NKX2-6: variants seen among roughly 807,000 people sequenced by gnomAD.
The protein encoded by NKX2-6 is homeobox protein Nkx-2.6.
A neutral mutation model predicts 8.6 loss-of-function variants in NKX2-6; 8 were observed. That is an observed-to-expected ratio of 0.93 (90% CI 0.54 to 1.67). NKX2-6 has a LOEUF of 1.67. Among genes scored for constraint, NKX2-6 ranks in the 40% most tolerant of loss-of-function variants. The pLI is 0.00. For missense variants in NKX2-6, 475 were observed against 423.1 expected, an observed-to-expected ratio of 1.12 and a Z score of -1.08; for synonymous variants, 210 against 199.3, an observed-to-expected ratio of 1.05 and a Z score of -0.45.
chr8:23,704,385 G>A (rs1294683957), intron 1 of NKX2-6, among the ~76,000 whole-genome samples: 1 of 152,160 alleles, frequency 6.6e-6, no homozygotes, highest in Non-Finnish European at 1.5e-5. Context: ...TGCCCACCAA[G>A]ATGCAGCGTT....
chr8:23,703,043 G>C lies in NKX2-6; in HGVS notation c.314C>G (p.Thr105Ser), dbSNP rs887208406. 3.4e-5 allele frequency: 53 copies of C among 1,540,686 alleles called. No homozygotes were observed. Among genetic ancestry groups the C allele is most frequent in the Non-Finnish European group, 4.5e-5 (52 of 1,146,210 alleles). ...LNAASPLGGG[T>S]RVPERGVGNS... The stretch of plus-strand genomic sequence containing the variant: ...GCCAACGCCGCGCTCTGGCACCCTG[G>C]TCCCGCCGCCGAGGGGCGAGGCCGC... The change falls in exon 2 of 2, where the codon ACC becomes AGC. Residue 105 changes from threonine to serine, a missense_variant. Physicochemically the swap from Thr to Ser is moderately conservative, Grantham distance 58. Transcript: ENST00000325017.
At chr8:23,703,971 G>A (rs1257702897) in intron 1 of NKX2-6, among the ~76,000 whole-genome samples, 1 of 152,312 alleles carries the variant, frequency 6.6e-6, no homozygotes, top group South Asian at 2.1e-4. Flanking sequence ...GGAGGCTCCT[G>A]TCTGCCTCAT....
intron 1 of NKX2-6, 118 bp downstream of exon 1, chr8:23,706,207 A>C (rs1258068433): frequency 1.8e-6 from 2 of 1,110,434 alleles, no homozygotes; most frequent in African/African-American, 1.6e-5. Context: ...TCCTCGAGAG[A>C]AAATGGAGAG....
chr8:23,704,599 T>C (rs2117597731), intron 1 of NKX2-6, among the ~76,000 whole-genome samples: 1 of 152,340 alleles, frequency 6.6e-6, no homozygotes. Context: ...CCCAAGGCAC[T>C]GGCACAATCT....
chr8:23,705,777 C>A (rs73220877), intron 1 of NKX2-6, among the ~76,000 whole-genome samples: 1 of 152,158 alleles, frequency 6.6e-6, no homozygotes, highest in Non-Finnish European at 1.5e-5. Flanking sequence ...GCCACCCGGT[C>A]CCCAACTTTC....
At chr8:23,703,723 AAC>A (rs1205482211) in intron 1 of NKX2-6, among the ~76,000 whole-genome samples, 1 of 122,238 alleles carries the variant, frequency 8.2e-6, no homozygotes, top group East Asian at 2.2e-4. Flanking sequence ...AAAACAAACA[AAC>A]AAAAAAAAAA....
At position 23,706,351 on chromosome 8, in the gene NKX2-6, A is replaced by G. The variant is rs772599709; in HGVS notation, c.248T>C (p.Met83Thr). The G allele has an allele frequency of 2.6e-6, 4 of 1,542,560 alleles. No homozygotes were observed. The highest frequency in any genetic ancestry group is 2.5e-5 in the East Asian group (1 of 40,624). Reference sequence around the variant, plus strand: ...TGGCTCCCCCATCCGTTCCGCGTCCATCTCCAAGACTGCCTCACAGGGACC... The same window carrying G: ...TGGCTCCCCCATCCGTTCCGCGTCCGTCTCCAAGACTGCCTCACAGGGACC... ...PGGPCEAVLE[M>T]DAERMGEPQP... Residue 83 changes from methionine (M) to threonine (T), a missense_variant, in exon 1 of 2, where the codon ATG becomes ACG. Physicochemically the swap from Met to Thr is moderately conservative, Grantham distance 81. Transcript: ENST00000325017.
chr8:23,702,514 A>T lies in NKX2-6; in HGVS notation c.843T>A (p.Gly281=), dbSNP rs1353092022. 20 of 1,532,294 alleles carry T rather than the reference A, an allele frequency of 1.3e-5. 1 individual carries two copies. In the South Asian group the frequency reaches 2.4e-4, roughly 18 times the overall value. 94.9% of individuals were successfully genotyped at this position (1,532,294 alleles called of 1,614,324 possible). ...GGCCCTGCGGGGTGGCATTCTGGCC[A>T]CCGTGTCCGAAGCCCGCGCTGGCCA... ...TPLASAGFGH[G]GQNATPQGHL... Residue 281 remains glycine (G), a synonymous_variant, in exon 2 of 2, where the codon GGT becomes GGA. Coordinates refer to ENST00000325017, the MANE Select transcript of NKX2-6 (RefSeq NM_001136271.3).
rs1801093724 is a variant in NKX2-6 at position 23,706,477 on chromosome 8, A to C, written c.122T>G (p.Phe41Cys). ...HPRVRKSPEN[F>C]QYLRMDAEPR... ...CTCTGCGTCCATTCTCAGGTACTGA[A>C]AGTTTTCCGGGCTCTTCCGCACCCG... is the stretch of plus-strand genomic sequence containing the variant. Residue 41 changes from phenylalanine to cysteine, a missense_variant, in exon 1 of 2, where the codon TTT (phenylalanine) becomes TGT (cysteine). Coordinates refer to ENST00000325017, the MANE Select transcript of NKX2-6 (RefSeq NM_001136271.3). The C allele has an allele frequency of 1.3e-6, 2 of 1,542,834 alleles. No individual in the cohort carries two copies. Among genetic ancestry groups the C allele is most frequent in the African/African-American group, 1.4e-5 (1 of 73,052 alleles).
chr8:23,702,444 A>G lies in NKX2-6; in HGVS notation c.*7T>C, dbSNP rs778874525. The G allele has an allele frequency of 1.8e-4, 264 of 1,446,216 alleles. No homozygotes were observed. Among genetic ancestry groups the G allele is most frequent in the Admixed American group, 3.2e-4 (12 of 37,990 alleles). The allele number at this position is 1,446,216 out of a possible 1,614,324, so 89.6% of individuals were successfully genotyped here. A position where few individuals can be genotyped will look rare whatever the true frequency, so the allele number is the denominator to read the frequency against. On this transcript the variant is annotated 3_prime_UTR_variant, in exon 2 of 2. Coordinates refer to ENST00000325017, the MANE Select transcript of NKX2-6 (RefSeq NM_001136271.3). The stretch of plus-strand genomic sequence containing the variant: ...GGCCCTGGTTGGCAGAGTCAAGCCG[A>G]GGAGCCTCACCAGGCCCTGACACCC...
chr8:23,703,353 A>C (rs1801039991), intron 1 of NKX2-6, among the ~76,000 whole-genome samples: 1 of 152,108 alleles, frequency 6.6e-6, no homozygotes, highest in African/African-American at 2.4e-5. Context: ...CCTTTTCCTA[A>C]AGGTAGACTC....
Position 23,702,406 on chromosome 8 carries a change from GGAAC to G in NKX2-6, c.*41_*44del. 1 of 1,425,230 alleles carries G rather than the reference GGAAC, an allele frequency of 7.0e-7. No individual in the cohort carries two copies. The highest frequency in any genetic ancestry group is 9.2e-7 in the Non-Finnish European group (1 of 1,091,226). 88.3% of individuals were successfully genotyped at this position (1,425,230 alleles called of 1,614,324 possible). The stretch of plus-strand genomic sequence containing the variant: ...TCACGACCTGCGGGCGGAGGGGAAG[GGAAC>G]GAGCATCTGGCCCTGGTTGGCAGAG... On this transcript the variant is annotated 3_prime_UTR_variant, in exon 2 of 2. Transcript: ENST00000325017.
At position 23,705,885 on chromosome 8, in the gene NKX2-6, G is replaced by T. The variant is rs116186064; in HGVS notation, c.274+440C>A. 6.4e-3 allele frequency among the ~76,000 whole-genome samples: 975 copies of T among 152,330 alleles called. 11 individuals are homozygous for T. Among genetic ancestry groups the T allele is most frequent in the African/African-American group, 0.022 (924 of 41,580 alleles). ...TAGGAGTGACCTCAGCGCCACGAGG[G>T]TTCCACTGCTTTGATGGCCACACGC... On this transcript the variant is annotated intron_variant, in intron 1 of 1. Coordinates refer to ENST00000325017, the MANE Select transcript of NKX2-6 (RefSeq NM_001136271.3).
At chr8:23,706,219 G>T (rs1801087063) in intron 1 of NKX2-6, 106 bp downstream of exon 1, 2 of 1,197,012 alleles carry the variant, frequency 1.7e-6, no homozygotes, top group East Asian at 2.6e-5. Context: ...AATGGAGAGA[G>T]TCTCGAACCC....
Position 23,702,338 on chromosome 8 carries a change from C to T in NKX2-6, c.*113G>A. Reference sequence around the variant, plus strand: ...TCAGAGATCCCTCCGGAAAGAAGCGCCGTTGGGTAGCAGCTTCCTTCCAGC... The same window carrying T: ...TCAGAGATCCCTCCGGAAAGAAGCGTCGTTGGGTAGCAGCTTCCTTCCAGC... On this transcript the variant is annotated 3_prime_UTR_variant, in exon 2 of 2. Transcript: ENST00000325017. 8.4e-7 allele frequency: 1 copy of T among 1,196,954 alleles called. No individual in the cohort carries two copies. The highest frequency in any genetic ancestry group is 1.7e-5 in the South Asian group (1 of 58,304). 74.1% of individuals were successfully genotyped at this position (1,196,954 alleles called of 1,614,324 possible).
chr8:23,705,119 C>G (rs552728678), intron 1 of NKX2-6, among the ~76,000 whole-genome samples: 1 of 152,244 alleles, frequency 6.6e-6, no homozygotes. Context: ...CCATCGGCTG[C>G]GAGGCGACTG....
intron 1 of NKX2-6, 133 bp from the exon 2 acceptor site, chr8:23,703,215 C>T (rs1219547744): frequency 1.9e-6 from 2 of 1,064,474 alleles, no homozygotes; most frequent in Non-Finnish European, 2.6e-6. Context: ...CTACTGCCCC[C>T]GAACCCTGTC....
At chr8:23,704,173 G>T (rs985462801) in intron 1 of NKX2-6, among the ~76,000 whole-genome samples, 1 of 152,194 alleles carries the variant, frequency 6.6e-6, no homozygotes, top group Non-Finnish European at 1.5e-5. Flanking sequence ...AACAATATAT[G>T]ATGAAAACAA....
At chr8:23,704,166 A>C (rs1216988140) in intron 1 of NKX2-6, among the ~76,000 whole-genome samples, 2 of 152,222 alleles carry the variant, frequency 1.3e-5, no homozygotes, top group African/African-American at 4.8e-5. Context: ...CCAAATTAAC[A>C]ATATATGATG....
Sources: allele counts gnomAD v4.1 joint callset (sites outside exome capture counted in the v4.1 genomes callset), GRCh38; gene constraint gnomAD v4.1.1; transcripts MANE v1.5; gene names NCBI Gene and HGNC (gene_info 2026-07-23, HGNC 2026-07-21).